The following PDZRN3 variants were observed in gnomAD, a reference collection of about 807,000 sequenced individuals.
PDZRN3 encodes E3 ubiquitin-protein ligase PDZRN3.
In PDZRN3, 38 loss-of-function variants were observed where a neutral mutation model predicts 85.7. The ratio of observed to expected loss-of-function variants is 0.44; its 90% CI spans 0.34 to 0.58. The LOEUF is 0.58. Ranked by LOEUF, PDZRN3 falls within the 20% of genes least tolerant of loss-of-function variation. The pLI is 0.01. For synonymous variants in PDZRN3, 759 were observed against 638.0 expected (o/e 1.19, Z -2.86); for missense variants, 1,629 against 1,506.4 (o/e 1.08, Z -1.35).
At chr3:73,479,882 GGC>G (rs1491580940) in intron 3 of PDZRN3, among the ~76,000 whole-genome samples, 2 of 152,148 alleles carry the variant, frequency 1.3e-5, no homozygotes, top group Non-Finnish European at 2.9e-5. Context: ...AGTTGCGGGG[GGC>G]GGGGGTAGAT....
intron 3 of PDZRN3, among the ~76,000 whole-genome samples, chr3:73,473,498 G>C (rs1433019204): frequency 6.6e-6 from 1 of 152,014 alleles, no homozygotes; most frequent in Non-Finnish European, 1.5e-5. Flanking sequence ...AGATACATAG[G>C]CCCATTTAAA....
chr3:73,424,757 A>G (rs982808160), intron 3 of PDZRN3, among the ~76,000 whole-genome samples: 2 of 152,090 alleles, frequency 1.3e-5, no homozygotes, highest in African/African-American at 4.8e-5. Context: ...GGAAGAAACT[A>G]AAAAATGGCC....
At chr3:73,574,687 G>C (rs1156496036) in intron 3 of PDZRN3, among the ~76,000 whole-genome samples, 1 of 152,200 alleles carries the variant, frequency 6.6e-6, no homozygotes, top group East Asian at 1.9e-4. Context: ...TCAAACTCCT[G>C]ACTTCAAGTG....
chr3:73,553,123 C>T (rs1701602535), intron 3 of PDZRN3, among the ~76,000 whole-genome samples: 1 of 152,202 alleles, frequency 6.6e-6, no homozygotes, highest in South Asian at 2.1e-4. Context: ...TCATGTTTGA[C>T]TCAAGGTAAG....
intron 3 of PDZRN3, among the ~76,000 whole-genome samples, chr3:73,564,991 T>A (rs1237759552): frequency 6.6e-6 from 1 of 152,174 alleles, no homozygotes; most frequent in East Asian, 1.9e-4. Flanking sequence ...TACATCTGCA[T>A]TATCAAAGTT....
At chr3:73,574,551 C>T (rs182152545) in intron 3 of PDZRN3, among the ~76,000 whole-genome samples, 4 of 152,120 alleles carry the variant, frequency 2.6e-5, no homozygotes, top group Middle Eastern at 3.4e-3. Context: ...CTCCACCTCC[C>T]GTGTTCAAGC....
chr3:73,590,306 A>G (rs1702339401), intron 3 of PDZRN3, among the ~76,000 whole-genome samples: 1 of 151,894 alleles, frequency 6.6e-6, no homozygotes, highest in South Asian at 2.1e-4. Context: ...TGAAAAAAGA[A>G]AAAACGCAGA....
intron 1 of PDZRN3, among the ~76,000 whole-genome samples, chr3:73,620,379 T>A (rs1040738316): frequency 1.3e-5 from 2 of 152,136 alleles, no homozygotes; most frequent in African/African-American, 4.8e-5. Context: ...AAAAAAGATG[T>A]TTGCTCTGGA....
chr3:73,624,903 GGC>G lies in PDZRN3; in HGVS notation c.-80_-79del, dbSNP rs1702947850. 2 of 1,138,284 alleles carry G rather than the reference GGC, an allele frequency of 1.8e-6. No individual in the cohort carries two copies. The highest frequency in any genetic ancestry group is 7.6e-5 in the South Asian group (2 of 26,442). The allele number at this position is 1,138,284 out of a possible 1,614,324, so 70.5% of individuals were successfully genotyped here. A position where few individuals can be genotyped will look rare whatever the true frequency, so the allele number is the denominator to read the frequency against. On this transcript the variant is annotated 5_prime_UTR_variant, in exon 1 of 10. Coordinates refer to ENST00000263666, the MANE Select transcript of PDZRN3 (RefSeq NM_015009.3). ...CCCCACGAGGCGGCCCAGACAGGCC[GGC>G]TACGCCGCCCGCGCGCTCGCTGGCT...
intron 3 of PDZRN3, among the ~76,000 whole-genome samples, chr3:73,488,202 G>C (rs1342568160): frequency 6.6e-6 from 1 of 152,172 alleles, no homozygotes; most frequent in Non-Finnish European, 1.5e-5. Context: ...AGGTTTCCTT[G>C]GGATTAAAGC....
chr3:73,509,703 CTT>C (rs1704129852), intron 3 of PDZRN3, among the ~76,000 whole-genome samples: 1 of 152,214 alleles, frequency 6.6e-6, no homozygotes. Flanking sequence ...AAAACAGCCT[CTT>C]CTCTTACTGC....
intron 3 of PDZRN3, among the ~76,000 whole-genome samples, chr3:73,431,204 T>C (rs964185315): frequency 6.6e-6 from 1 of 152,176 alleles, no homozygotes; most frequent in Non-Finnish European, 1.5e-5. Context: ...TGCCCTTTAA[T>C]GACCAGGCAA....
chr3:73,482,808 C>T (rs1366152011), intron 3 of PDZRN3, among the ~76,000 whole-genome samples: 1 of 152,208 alleles, frequency 6.6e-6, no homozygotes, highest in Admixed American at 6.5e-5. Context: ...TTAACTTACA[C>T]TGTTTCTGAG....
At chr3:73,414,398 T>C (rs956272943) in intron 3 of PDZRN3, among the ~76,000 whole-genome samples, 4 of 152,232 alleles carry the variant, frequency 2.6e-5, no homozygotes, top group African/African-American at 9.6e-5. Context: ...AATTTTAGTG[T>C]AACCTACAAA....
At chr3:73,392,937 A>ATGTT (rs1315791508) in intron 5 of PDZRN3, among the ~76,000 whole-genome samples, 2 of 152,008 alleles carry the variant, frequency 1.3e-5, no homozygotes, top group African/African-American at 4.8e-5. Context: ...TCATCCTCTT[A>ATGTT]TGTTTCCACA....
chr3:73,512,230 A>C lies in PDZRN3; in HGVS notation c.918+90124T>G, dbSNP rs566971001. On this transcript the variant is annotated intron_variant, in intron 3 of 9. Coordinates refer to ENST00000263666, the MANE Select transcript of PDZRN3 (RefSeq NM_015009.3). ...TAGGAGAGCACAACTTTGTAAGCCCATCACAGCAGCGAACCGTTCCAAATT... is the reference window on the plus strand; with the variant it reads ...TAGGAGAGCACAACTTTGTAAGCCCCTCACAGCAGCGAACCGTTCCAAATT... Among the ~76,000 whole-genome samples, 3 of 152,366 alleles carry C rather than the reference A, an allele frequency of 2.0e-5. No homozygotes were observed. The South Asian group carries it at 6.2e-4, about 32-fold the overall frequency.
At chr3:73,561,315 A>G (rs1195848730) in intron 3 of PDZRN3, 1 of 152,246 alleles carries the variant, frequency 6.6e-6, no homozygotes, top group East Asian at 1.9e-4. Context: ...ACCCCCTCTT[A>G]GACAAACTCC....
intron 1 of PDZRN3, among the ~76,000 whole-genome samples, chr3:73,614,653 G>T (rs919818129): frequency 2.0e-5 from 3 of 152,178 alleles, no homozygotes; most frequent in Non-Finnish European, 4.4e-5. Context: ...AAACAGCTCT[G>T]TCTGTTGACT....
At chr3:73,452,910 T>C (rs1370577501) in intron 3 of PDZRN3, among the ~76,000 whole-genome samples, 1 of 149,536 alleles carries the variant, frequency 6.7e-6, no homozygotes, top group Non-Finnish European at 1.5e-5. Flanking sequence ...CTTGTTCTTC[T>C]GCATAATTTA....
Sources: allele counts gnomAD v4.1 joint callset (sites outside exome capture counted in the v4.1 genomes callset), GRCh38; gene constraint gnomAD v4.1.1; transcripts MANE v1.5; gene names NCBI Gene and HGNC (gene_info 2026-07-23, HGNC 2026-07-21).